Variants in USP48 observed in about 807,000 individuals in gnomAD.
USP48 encodes ubiquitin specific peptidase 48, also known as ubiquitin carboxyl-terminal hydrolase 48.
Under a neutral mutation model 150.7 loss-of-function variants are expected in USP48, and 43 were observed. That is an observed-to-expected ratio of 0.29 (90% CI 0.22 to 0.37). The LOEUF (loss-of-function observed/expected upper bound fraction) is 0.37, where lower values mean the gene tolerates loss of function less well. USP48 is among the 10% of genes least tolerant of loss of function. USP48 has a pLI of 1.00. For synonymous variants in USP48, 396 were observed against 425.9 expected (o/e 0.93, Z 0.86); for missense variants, 813 against 1,249.6 (o/e 0.65, Z 5.27).
chr1:21,757,554 G>T, intron 2 of USP48, 109 bp downstream of exon 2: 1 of 1,245,424 alleles, frequency 8.0e-7, no homozygotes, highest in Non-Finnish European at 1.1e-6. Context: ...TCTTAAAGCT[G>T]CACAGGTTAC....
intron 1 of USP48, among the ~76,000 whole-genome samples, chr1:21,779,776 T>C (rs768543343): frequency 7.9e-5 from 12 of 152,078 alleles, no homozygotes; most frequent in Non-Finnish European, 1.2e-4. Context: ...TGGCATATTA[T>C]TGATCAATAA....
intron 1 of USP48, among the ~76,000 whole-genome samples, chr1:21,780,553 C>G (rs899321300): frequency 1.3e-5 from 2 of 151,730 alleles, no homozygotes; most frequent in African/African-American, 4.8e-5. Context: ...ATATGTATTT[C>G]CCAGGTATTT....
intron 25 of USP48, chr1:21,685,992 C>G (rs1236267496): frequency 6.6e-6 from 1 of 152,190 alleles, no homozygotes; most frequent in Admixed American, 6.5e-5. Context: ...TGGCACATGC[C>G]TGTAGTCCCA....
At chr1:21,697,536 G>A (rs1175495974) in intron 22 of USP48, among the ~76,000 whole-genome samples, 16 of 151,682 alleles carry the variant, frequency 1.1e-4, no homozygotes, top group African/African-American at 3.6e-4. Flanking sequence ...GGTGGTGGGC[G>A]CCTGTAGTCC....
At chr1:21,687,323 T>C in intron 24 of USP48, 84 bp from the exon 25 acceptor site, 1 of 1,280,482 alleles carries the variant, frequency 7.8e-7, no homozygotes, top group Non-Finnish European at 1.1e-6. Flanking sequence ...CAACTACTGA[T>C]ATTGCTATAA....
In USP48 at chr1:21,769,151, G is replaced by A. The variant is rs180848956; in HGVS notation, c.135-11368C>T. On this transcript the variant is annotated intron_variant, in intron 1 of 26. Coordinates refer to ENST00000308271, the MANE Select transcript of USP48 (RefSeq NM_032236.8). ...GCTAAAGTCATAGAGATCAAGTAAC[G>A]TCAAATTATTCCATGATCTTACTTC... 1.4e-4 allele frequency among the ~76,000 whole-genome samples: 21 copies of A among 152,226 alleles called. No homozygotes were observed. In the East Asian group the frequency reaches 3.1e-3, roughly 22 times the overall value.
At chr1:21,760,062 C>A (rs2097846407) in intron 1 of USP48, among the ~76,000 whole-genome samples, 1 of 152,140 alleles carries the variant, frequency 6.6e-6, no homozygotes, top group Non-Finnish European at 1.5e-5. Context: ...TGGTATAATG[C>A]ACAACACAGA....
At chr1:21,775,284 C>CAT (rs1252354264) in intron 1 of USP48, among the ~76,000 whole-genome samples, 2 of 151,996 alleles carry the variant, frequency 1.3e-5, no homozygotes, top group African/African-American at 2.4e-5. Flanking sequence ...TTTATTGAGA[C>CAT]AGAGTCTCAC....
intron 25 of USP48, among the ~76,000 whole-genome samples, chr1:21,684,514 G>T (rs1255207536): frequency 6.6e-6 from 1 of 152,182 alleles, no homozygotes; most frequent in Non-Finnish European, 1.5e-5. Flanking sequence ...CAACTCTGCA[G>T]ATTATTTCCT....
rs774759266 is a variant in USP48, at chr1:21,706,167, G to T, written c.2232C>A (p.Ile744=). 1.2e-6 allele frequency: 2 copies of T among 1,613,662 alleles called. No individual in the cohort carries two copies. The highest frequency in any genetic ancestry group is 4.5e-5 in the East Asian group (2 of 44,850). The change falls in exon 18 of 27, where the codon ATC becomes ATA. Residue 744 remains isoleucine, a synonymous_variant. Transcript: ENST00000308271. ...ACTCTTCTACAAAGAACTGAGACAC[G>T]ATGTAGAGGACATCCGTATCCTAGA... ...NWPEDTDVLY[I]VSQFFVEEWR...
intron 11 of USP48, among the ~76,000 whole-genome samples, chr1:21,726,737 A>C (rs1340375108): frequency 6.6e-6 from 1 of 152,190 alleles, no homozygotes. Flanking sequence ...AAAGACTCTA[A>C]GTAGGCCCCT....
At chr1:21,755,170 C>G (rs1398506057) in intron 3 of USP48, among the ~76,000 whole-genome samples, 1 of 152,116 alleles carries the variant, frequency 6.6e-6, no homozygotes, top group Non-Finnish European at 1.5e-5. Context: ...TATTTATCTC[C>G]TTACTACCAA....
chr1:21,757,640 T>A, intron 2 of USP48, 23 bp downstream of exon 2: 1 of 1,600,476 alleles, frequency 6.2e-7, no homozygotes, highest in Non-Finnish European at 8.5e-7. Flanking sequence ...CATATAGCAA[T>A]CGCTTAAAAA....
rs2097698383 is a variant in USP48 at position 21,714,298 on chromosome 1, T to C, written c.1963+1091A>G. Among the ~76,000 whole-genome samples the C allele has an allele frequency of 2.6e-5, 4 of 152,296 alleles. No individual in the cohort carries two copies. The South Asian group carries it at 8.3e-4, about 32-fold the overall frequency. Reference sequence around the variant, plus strand: ...TCCTATTGATTTTATTTTAAAGAGATGGGGTATCGCACGGTCGTCCAGGCT... The same window carrying C: ...TCCTATTGATTTTATTTTAAAGAGACGGGGTATCGCACGGTCGTCCAGGCT... On this transcript the variant is annotated intron_variant, in intron 15 of 26. Coordinates refer to ENST00000308271, the MANE Select transcript of USP48 (RefSeq NM_032236.8).
At chr1:21,756,302 G>A (rs1231586064) in intron 3 of USP48, among the ~76,000 whole-genome samples, 3 of 151,244 alleles carry the variant, frequency 2.0e-5, no homozygotes, top group Admixed American at 6.6e-5. Flanking sequence ...CCAACATAGT[G>A]AAACGCTGTC....
intron 15 of USP48, among the ~76,000 whole-genome samples, chr1:21,714,927 T>A (rs1049000046): frequency 6.6e-6 from 1 of 152,104 alleles, no homozygotes; most frequent in Non-Finnish European, 1.5e-5. Flanking sequence ...GAGGCAAATT[T>A]AAAAATTAGC....
At chr1:21,755,376 C>G (rs1395290660) in intron 3 of USP48, among the ~76,000 whole-genome samples, 2 of 151,962 alleles carry the variant, frequency 1.3e-5, no homozygotes, top group East Asian at 3.9e-4. Context: ...GCCTGGGCAA[C>G]ATGGTAAAAT....
In USP48 at chr1:21,703,627, GAA is replaced by G. The variant is rs370210128; in HGVS notation, c.2516-11_2516-10del. ...GCATTCTGGACAGAGTTCTTTGGGG[GAA>G]AAAAAAAAAGGGAAAACAGAAGTGG... is the stretch of plus-strand genomic sequence containing the variant. On this transcript the variant is annotated splice_polypyrimidine_tract_variant and intron_variant, in intron 20 of 26. Coordinates refer to ENST00000308271, the MANE Select transcript of USP48 (RefSeq NM_032236.8). The G allele has an allele frequency of 3.7e-4, 474 of 1,267,230 alleles. No individual in the cohort carries two copies. Among genetic ancestry groups the G allele is most frequent in the Admixed American group, 8.1e-4 (36 of 44,322 alleles). 78.5% of individuals were successfully genotyped at this position (1,267,230 alleles called of 1,614,324 possible). A position where few individuals can be genotyped will look rare whatever the true frequency, so the allele number is the denominator to read the frequency against.
intron 11 of USP48, 150 bp downstream of exon 11, chr1:21,728,420 T>G: frequency 7.0e-7 from 1 of 1,426,244 alleles, no homozygotes; most frequent in South Asian, 1.7e-5. Flanking sequence ...AAGTTATTGT[T>G]GGTTTACAAA....
Sources: gnomAD v4.1 joint callset for allele counts (sites outside exome capture counted in the v4.1 genomes callset) on GRCh38, gnomAD v4.1.1 for gene constraint, MANE v1.5 for transcripts, NCBI Gene and HGNC (gene_info 2026-07-23, HGNC 2026-07-21) for gene names.